ACTR6: variants seen among roughly 807,000 people sequenced by gnomAD.
The protein encoded by ACTR6 is actin-related protein 6.
In ACTR6, 50 loss-of-function variants were observed where a neutral mutation model predicts 52.5. The ratio of observed to expected loss-of-function variants is 0.95; its 90% CI spans 0.76 to 1.20. The LOEUF (loss-of-function observed/expected upper bound fraction) is 1.20. Ranked by LOEUF, ACTR6 falls within the 50% of genes most tolerant of loss-of-function variation. The pLI is 0.00. For missense variants in ACTR6, 344 were observed against 472.4 expected (o/e 0.73, Z 2.52); for synonymous variants, 135 against 147.2 (o/e 0.92, Z 0.60).
At chr12:100,206,573 A>T (rs951578535) in intron 3 of ACTR6, among the ~76,000 whole-genome samples, 1 of 151,668 alleles carries the variant, frequency 6.6e-6, no homozygotes, top group Non-Finnish European at 1.5e-5. Flanking sequence ...GCCCAGGCTG[A>T]TCTCAAACTC....
intron 6 of ACTR6, 80 bp downstream of exon 6, chr12:100,210,431 T>A (rs1381927851): frequency 1.4e-5 from 20 of 1,448,762 alleles, no homozygotes; most frequent in Non-Finnish European, 1.9e-5. Context: ...TATTCCTTAC[T>A]TTTAAGGCCA....
In ACTR6 at chr12:100,218,811, A is replaced by G. The variant is rs1056451398; in HGVS notation, c.922+225A>G. On this transcript the variant is annotated intron_variant, in intron 9 of 10. Coordinates refer to ENST00000188312, the MANE Select transcript of ACTR6 (RefSeq NM_022496.5). The surrounding 1 kb of genome is among the most constrained non-coding windows in gnomAD (Gnocchi z 4.2). ...GATAGAGGAAAAATCATTATGGTCCATTTAAACTTGAAGAAATGTATCTCT... is the reference window on the plus strand; with the variant it reads ...GATAGAGGAAAAATCATTATGGTCCGTTTAAACTTGAAGAAATGTATCTCT... 3.3e-5 allele frequency among the ~76,000 whole-genome samples: 5 copies of G among 152,138 alleles called. No individual in the cohort carries two copies. The highest frequency in any genetic ancestry group is 3.2e-3 in the Middle Eastern group (1 of 316).
At position 100,207,800 on chromosome 12, in the gene ACTR6, T is replaced by G. The variant is rs767113734; in HGVS notation, c.379+14T>G. On this transcript the variant is annotated intron_variant, in intron 4 of 10. Transcript: ENST00000188312. ...TAAGAGTAAATGGTGAGTTCAAGTT[T>G]TCACTGAAATTGAGTTATATGACTA... 6.3e-7 allele frequency: 1 copy of G among 1,588,486 alleles called. No individual in the cohort carries two copies.
At chr12:100,205,475 C>T (rs2096113709) in intron 2 of ACTR6, 1 of 339,888 alleles carries the variant, frequency 2.9e-6, no homozygotes, top group Non-Finnish European at 5.2e-6. Context: ...ACATGTATCC[C>T]AGAATTTAAA....
chr12:100,202,459 A>G (rs1461562300), intron 1 of ACTR6, among the ~76,000 whole-genome samples: 1 of 152,160 alleles, frequency 6.6e-6, no homozygotes, highest in Non-Finnish European at 1.5e-5. Flanking sequence ...TGACAGTATT[A>G]TAAGTGAAAT....
chr12:100,207,568 T>C lies in ACTR6; in HGVS notation c.256-95T>C, dbSNP rs550710525. ...GGGGATAGTAATAAGACATCACGAT[T>C]ATTGTGAGGATTAAATAAATTTGTT... On this transcript the variant is annotated intron_variant, in intron 3 of 10. Coordinates refer to ENST00000188312, the MANE Select transcript of ACTR6 (RefSeq NM_022496.5). 1.2e-5 allele frequency: 14 copies of C among 1,160,434 alleles called. No individual in the cohort carries two copies. The African/African-American group carries it at 1.9e-4, about 15-fold the overall frequency. The allele number at this position is 1,160,434 out of a possible 1,614,324, so 71.9% of individuals were successfully genotyped here.
chr12:100,216,153 A>T (rs2096123731), intron 8 of ACTR6, among the ~76,000 whole-genome samples: 1 of 152,188 alleles, frequency 6.6e-6, no homozygotes, highest in South Asian at 2.1e-4. Context: ...ATTGTACTGG[A>T]ACTAACTTTT....
chr12:100,220,974 A>G (rs2096127693), intron 10 of ACTR6, among the ~76,000 whole-genome samples: 1 of 151,756 alleles, frequency 6.6e-6, no homozygotes, highest in Admixed American at 6.6e-5. Flanking sequence ...GTGACAAAGC[A>G]AGACTCTGTC....
intron 8 of ACTR6, among the ~76,000 whole-genome samples, chr12:100,215,173 A>G (rs1227260488): frequency 1.3e-5 from 2 of 152,220 alleles, no homozygotes; most frequent in East Asian, 1.9e-4. Flanking sequence ...CAAAACCTGT[A>G]TCCGTGTTCT....
chr12:100,221,543 G>A (rs1223284453), intron 10 of ACTR6: 2 of 151,984 alleles, frequency 1.3e-5, no homozygotes, highest in African/African-American at 4.8e-5. Context: ...AATTTTTATT[G>A]TGCGTCTACT....
At chr12:100,216,964 A>G (rs2096124338) in intron 8 of ACTR6, among the ~76,000 whole-genome samples, 1 of 152,174 alleles carries the variant, frequency 6.6e-6, no homozygotes, top group Admixed American at 6.6e-5. Flanking sequence ...GGAATTCCCA[A>G]ATGATCAAAA....
intron 10 of ACTR6, among the ~76,000 whole-genome samples, chr12:100,221,022 A>C (rs534117190): frequency 6.6e-6 from 1 of 151,794 alleles, no homozygotes; most frequent in South Asian, 2.1e-4. Context: ...GCAAAAAAAA[A>C]AAAACAAAAA....
Position 100,218,206 on chromosome 12 carries a change from C to T in ACTR6, c.751-209C>T, listed in dbSNP as rs1419699823. Among the ~76,000 whole-genome samples, 3 of 152,014 alleles carry T rather than the reference C, an allele frequency of 2.0e-5. No homozygotes were observed. Among genetic ancestry groups the T allele is most frequent in the African/African-American group, 4.8e-5 (2 of 41,372 alleles). On this transcript the variant is annotated intron_variant, in intron 8 of 10. Transcript: ENST00000188312. The surrounding 1 kb of genome is among the most constrained non-coding windows in gnomAD (Gnocchi z 4.2). ...ATCTTTGAAGGAACAGCCATATTAG[C>T]GTCAGTAATTATTTAGTTGTGTTTT...
chr12:100,215,550 T>TAC (rs1396568555), intron 8 of ACTR6, among the ~76,000 whole-genome samples: 1 of 152,214 alleles, frequency 6.6e-6, no homozygotes, highest in East Asian at 1.9e-4. Context: ...TTACTCAGGA[T>TAC]ACACTCTGTT....
intron 2 of ACTR6, chr12:100,205,288 A>G: frequency 5.7e-6 from 2 of 348,250 alleles, no homozygotes; most frequent in Non-Finnish European, 1.0e-5. Flanking sequence ...TTAATTTAAG[A>G]AAATAAGTAT....
At chr12:100,202,675 G>A (rs1037723454) in intron 1 of ACTR6, among the ~76,000 whole-genome samples, 1 of 151,938 alleles carries the variant, frequency 6.6e-6, no homozygotes, top group Non-Finnish European at 1.5e-5. Context: ...TGGCTAACAC[G>A]GCGAAACCCT....
chr12:100,212,142 T>A lies in ACTR6; in HGVS notation c.573-114T>A, dbSNP rs1406944658. The A allele has an allele frequency of 2.3e-5, 16 of 710,716 alleles. No homozygotes were observed. The South Asian group carries it at 3.1e-4, about 14-fold the overall frequency. The allele number at this position is 710,716 out of a possible 1,614,324, so 44.0% of individuals were successfully genotyped here. On this transcript the variant is annotated intron_variant, in intron 6 of 10. Transcript: ENST00000188312. The stretch of plus-strand genomic sequence containing the variant: ...AAATTATTTTACACATTCAAGAATT[T>A]AAAATTTCAAAAAATCAGTTACCTG...
At chr12:100,219,765 C>A (rs1020709150) in intron 9 of ACTR6, among the ~76,000 whole-genome samples, 3 of 152,096 alleles carry the variant, frequency 2.0e-5, no homozygotes, top group Non-Finnish European at 2.9e-5. Flanking sequence ...AGTTTACCCC[C>A]CTCACCTTAG....
At chr12:100,223,235 G>A (rs374172296) in intron 10 of ACTR6, among the ~76,000 whole-genome samples, 21 of 152,264 alleles carry the variant, frequency 1.4e-4, no homozygotes, top group South Asian at 1.0e-3. Flanking sequence ...CAGCTACTTC[G>A]GAGGCTGAAG....
Sources: allele counts gnomAD v4.1 joint callset (sites outside exome capture counted in the v4.1 genomes callset), GRCh38; gene constraint gnomAD v4.1.1; non-coding constraint Gnocchi (gnomAD v3.1); transcripts MANE v1.5; gene names NCBI Gene and HGNC (gene_info 2026-07-23, HGNC 2026-07-21).